Variants in CLCN3 observed in about 807,000 individuals in gnomAD.
CLCN3 encodes H(+)/Cl(-) exchange transporter 3.
A neutral mutation model predicts 83.4 loss-of-function variants in CLCN3; 16 were observed. The observed-to-expected ratio is 0.19, with a 90% CI of 0.13 to 0.29. The LOEUF is 0.29. Among genes scored for constraint, CLCN3 ranks in the 10% least tolerant of loss-of-function variants. The pLI is 1.00. For synonymous variants in CLCN3, 322 were observed against 346.2 expected, an observed-to-expected ratio of 0.93 and a Z score of 0.78; for missense variants, 544 against 1,006.0, an observed-to-expected ratio of 0.54 and a Z score of 6.21.
intron 7 of CLCN3, among the ~76,000 whole-genome samples, chr4:169,692,627 T>C (rs1446904282): frequency 2.6e-5 from 4 of 152,200 alleles, no homozygotes; most frequent in Non-Finnish European, 5.9e-5. Context: ...TGAAGTGTTT[T>C]CTAAGCTTAG....
chr4:169,683,433 T>C (rs1732025186), intron 3 of CLCN3, among the ~76,000 whole-genome samples: 1 of 152,158 alleles, frequency 6.6e-6, no homozygotes, highest in African/African-American at 2.4e-5. Context: ...AGTTCTAAGT[T>C]ACAGTGAATT....
chr4:169,636,814 A>G (rs1773516546), intron 2 of CLCN3, among the ~76,000 whole-genome samples: 1 of 149,606 alleles, frequency 6.7e-6, no homozygotes, highest in Non-Finnish European at 1.5e-5. Flanking sequence ...TTTAGTGCAC[A>G]TTATGTACAC....
chr4:169,675,194 CTATAGTT>C, intron 2 of CLCN3, among the ~76,000 whole-genome samples: 1 of 152,308 alleles, frequency 6.6e-6, no homozygotes, highest in South Asian at 2.1e-4. Flanking sequence ...AAAACCTACT[CTATAGTT>C]TATTTGGCTT....
chr4:169,659,674 T>C (rs543368050), intron 2 of CLCN3, among the ~76,000 whole-genome samples: 1 of 152,116 alleles, frequency 6.6e-6, no homozygotes, highest in Non-Finnish European at 1.5e-5. Context: ...AACTCTTCAG[T>C]TATTCGGTTT....
intron 12 of CLCN3, among the ~76,000 whole-genome samples, chr4:169,718,297 T>A (rs1733503125): frequency 6.6e-6 from 1 of 151,972 alleles, no homozygotes; most frequent in South Asian, 2.1e-4. Context: ...GTGGTAGTCT[T>A]ATGGTAAATC....
chr4:169,679,761 G>A (rs904677919), intron 2 of CLCN3, among the ~76,000 whole-genome samples: 1 of 152,164 alleles, frequency 6.6e-6, no homozygotes, highest in South Asian at 2.1e-4. Flanking sequence ...GTGGCGGCGC[G>A]TGCCTGCAAT....
At chr4:169,666,206 C>G (rs973953335) in intron 2 of CLCN3, among the ~76,000 whole-genome samples, 16 of 151,934 alleles carry the variant, frequency 1.1e-4, no homozygotes, top group African/African-American at 3.4e-4. Context: ...CAGTATATAC[C>G]AAGTAGTAAG....
chr4:169,690,390 C>T (rs1402792406), intron 5 of CLCN3, 140 bp from the exon 6 acceptor site: 3 of 772,598 alleles, frequency 3.9e-6, no homozygotes, highest in Non-Finnish European at 6.0e-6. Flanking sequence ...AGGTGATCCA[C>T]CCGCCTCAAC....
At position 169,623,105 on chromosome 4, in the gene CLCN3, T is replaced by C. The variant is rs75088644; in HGVS notation, c.-17+2042T>C. Among the ~76,000 whole-genome samples the C allele has an allele frequency of 9.3e-3, 1,414 of 152,338 alleles. 28 individuals are homozygous for C. Among genetic ancestry groups the C allele is most frequent in the South Asian group, 0.069 (333 of 4,828 alleles). The stretch of plus-strand genomic sequence containing the variant: ...ATCCAGAGAGATTTGATCTGCAACT[T>C]TGACTGGAACCAAGTTAAATAAATA... On this transcript the variant is annotated intron_variant, in intron 1 of 12. Transcript: ENST00000513761.
intron 7 of CLCN3, among the ~76,000 whole-genome samples, chr4:169,693,263 T>C (rs1732439955): frequency 6.6e-6 from 1 of 152,214 alleles, no homozygotes; most frequent in African/African-American, 2.4e-5. Flanking sequence ...GACGTAGATA[T>C]CCCAAAAGTG....
chr4:169,699,522 G>A (rs921292448), intron 9 of CLCN3, among the ~76,000 whole-genome samples: 12 of 152,212 alleles, frequency 7.9e-5, no homozygotes, highest in Admixed American at 4.6e-4. Context: ...AGTGGTTTTA[G>A]TTTTTGAAAT....
chr4:169,679,933 C>A, intron 2 of CLCN3, 117 bp from the exon 3 acceptor site: 1 of 791,158 alleles, frequency 1.3e-6, no homozygotes. Context: ...GAGGTGGAGA[C>A]GAGGGAGAGG....
intron 1 of CLCN3, among the ~76,000 whole-genome samples, chr4:169,623,358 G>GT (rs963834289): frequency 9.9e-5 from 15 of 152,086 alleles, no homozygotes; most frequent in Admixed American, 2.6e-4. Context: ...AGGAATTTGG[G>GT]TTTTTTTGTC....
chr4:169,674,033 C>T (rs1731581513), intron 2 of CLCN3, among the ~76,000 whole-genome samples: 1 of 152,166 alleles, frequency 6.6e-6, no homozygotes, highest in Admixed American at 6.5e-5. Context: ...TACATTGATA[C>T]CATACTATGA....
At chr4:169,665,538 T>G (rs200956811) in intron 2 of CLCN3, among the ~76,000 whole-genome samples, 1 of 152,084 alleles carries the variant, frequency 6.6e-6, no homozygotes, top group African/African-American at 2.4e-5. Context: ...ACTATCAACT[T>G]AGAACGTTTA....
intron 11 of CLCN3, among the ~76,000 whole-genome samples, chr4:169,710,538 T>A (rs1263100042): frequency 6.6e-6 from 1 of 152,202 alleles, no homozygotes; most frequent in Non-Finnish European, 1.5e-5. Context: ...AGTGCTGGGA[T>A]TACAAGTGTG....
chr4:169,711,843 G>A (rs2150273141), intron 11 of CLCN3, among the ~76,000 whole-genome samples: 1 of 152,138 alleles, frequency 6.6e-6, no homozygotes, highest in Admixed American at 6.5e-5. Context: ...TGTTTTTGTA[G>A]TAAAATTTGT....
intron 5 of CLCN3, 112 bp from the exon 6 acceptor site, chr4:169,690,418 T>C: frequency 1.8e-6 from 2 of 1,101,102 alleles, no homozygotes; most frequent in Non-Finnish European, 2.6e-6. Context: ...GTGCTGGGAT[T>C]ACAGGCGTGA....
At chr4:169,669,324 T>A (rs1208768259) in intron 2 of CLCN3, among the ~76,000 whole-genome samples, 1 of 151,944 alleles carries the variant, frequency 6.6e-6, no homozygotes, top group Non-Finnish European at 1.5e-5. Flanking sequence ...ACCTGAAGAT[T>A]TGTTTAAATT....
Sources: gnomAD v4.1 joint callset for allele counts (sites outside exome capture counted in the v4.1 genomes callset) on GRCh38, gnomAD v4.1.1 for gene constraint, MANE v1.5 for transcripts, NCBI Gene and HGNC (gene_info 2026-07-23, HGNC 2026-07-21) for gene names.